TGFA: variants seen among roughly 807,000 people sequenced by gnomAD.
The protein encoded by TGFA is protransforming growth factor alpha.
Under a neutral mutation model 21.7 loss-of-function variants are expected in TGFA, and 12 were observed. The ratio of observed to expected loss-of-function variants is 0.55; its 90% CI spans 0.35 to 0.90. The LOEUF (loss-of-function observed/expected upper bound fraction) is 0.90, where lower values mean the gene tolerates loss of function less well. Ranked by LOEUF, TGFA falls within the 40% of genes least tolerant of loss-of-function variation. The pLI is 0.01. For synonymous variants in TGFA, 79 were observed against 88.1 expected (o/e 0.90, Z 0.58); for missense variants, 178 against 210.8 (o/e 0.84, Z 0.96).
chr2:70,487,342 G>T (rs187967767), intron 2 of TGFA, among the ~76,000 whole-genome samples: 1 of 152,276 alleles, frequency 6.6e-6, no homozygotes. Flanking sequence ...GCCTGGGATT[G>T]GAAGTCTTTT....
intron 2 of TGFA, among the ~76,000 whole-genome samples, chr2:70,485,757 C>G (rs1459098138): frequency 1.3e-5 from 2 of 152,110 alleles, no homozygotes; most frequent in Non-Finnish European, 2.9e-5. Context: ...TTGTATGCTA[C>G]AAAGACATTA....
At chr2:70,465,523 GC>G in intron 3 of TGFA, 92 bp downstream of exon 3, 1 of 1,519,576 alleles carries the variant, frequency 6.6e-7, no homozygotes, top group Non-Finnish European at 9.0e-7. Flanking sequence ...GGGTCTCGGA[GC>G]CTCTGGCAAG....
chr2:70,503,100 T>C (rs1194442168), intron 2 of TGFA, among the ~76,000 whole-genome samples: 1 of 152,182 alleles, frequency 6.6e-6, no homozygotes, highest in African/African-American at 2.4e-5. Context: ...TTATAAATCA[T>C]GCTGCTATAA....
At chr2:70,521,202 G>A (rs731461) in intron 1 of TGFA, among the ~76,000 whole-genome samples, 32,045 of 151,990 alleles carry the variant, frequency 0.21, 4,112 homozygotes, top group Non-Finnish European at 0.28. Context: ...AGAACCCAGC[G>A]CAGAGACAGA....
intron 2 of TGFA, among the ~76,000 whole-genome samples, chr2:70,482,810 TA>T (rs1671163682): frequency 6.6e-6 from 1 of 152,182 alleles, no homozygotes; most frequent in Admixed American, 6.5e-5. Context: ...AACTTTTCCT[TA>T]TATGTCTTCC....
intron 2 of TGFA, among the ~76,000 whole-genome samples, chr2:70,488,868 T>G (rs1046300640): frequency 7.9e-5 from 12 of 152,218 alleles, no homozygotes; most frequent in Admixed American, 3.3e-4. Context: ...TCCATGGAAG[T>G]CCTGCATACA....
chr2:70,456,375 G>A lies in TGFA; in HGVS notation c.329C>T (p.Ala110Val). ...ACATGTGATGATAAGGACAGCCAGG[G>A]CCACGATGGAGACCACCACCAAGGC... ...ITALVVVSIV[A>V]LAVLIITCVL... The change falls in exon 4 of 6, where the codon GCC becomes GTC. Residue 110 changes from alanine to valine, a missense_variant. Ala to Val is a moderately conservative substitution (Grantham distance 64). Coordinates refer to ENST00000295400, the MANE Select transcript of TGFA (RefSeq NM_003236.4). 1 of 1,570,042 alleles carries A rather than the reference G, an allele frequency of 6.4e-7. No homozygotes were observed. The highest frequency in any genetic ancestry group is 1.2e-5 in the South Asian group (1 of 85,132).
At chr2:70,517,409 C>G (rs1553501732) in intron 1 of TGFA, among the ~76,000 whole-genome samples, 1 of 152,202 alleles carries the variant, frequency 6.6e-6, no homozygotes, top group Non-Finnish European at 1.5e-5. Flanking sequence ...GACCCTGGAG[C>G]AGGAGGACAG....
chr2:70,454,438 C>T lies in TGFA; in HGVS notation c.366-1111G>A, dbSNP rs115210952. Among the ~76,000 whole-genome samples the T allele has an allele frequency of 4.3e-3, 661 of 152,338 alleles. 2 individuals are homozygous for T. Among genetic ancestry groups the T allele is most frequent in the Non-Finnish European group, 6.8e-3 (460 of 68,026 alleles). ...GAGCCCAGAGCAGTGTGCCTGGGCA[C>T]GAGGCCCTTCTGAGTTGCAGAGTCT... On this transcript the variant is annotated intron_variant, in intron 4 of 5. Coordinates refer to ENST00000295400, the MANE Select transcript of TGFA (RefSeq NM_003236.4).
chr2:70,496,123 G>T (rs1197452232), intron 2 of TGFA, among the ~76,000 whole-genome samples: 6 of 152,148 alleles, frequency 3.9e-5, no homozygotes, highest in African/African-American at 1.4e-4. Flanking sequence ...GAACCTGAAG[G>T]CCCCGAGACT....
chr2:70,513,096 T>C (rs1672155542), intron 2 of TGFA, among the ~76,000 whole-genome samples: 1 of 152,200 alleles, frequency 6.6e-6, no homozygotes, highest in Non-Finnish European at 1.5e-5. Context: ...ACAGGAGGCT[T>C]CTTAGCCCAT....
intron 2 of TGFA, among the ~76,000 whole-genome samples, chr2:70,483,639 C>G (rs1161020437): frequency 2.6e-5 from 4 of 152,216 alleles, no homozygotes; most frequent in Non-Finnish European, 4.4e-5. Context: ...CTACCTGCCA[C>G]AAGAGATGGA....
chr2:70,457,280 T>C lies in TGFA; in HGVS notation c.216-792A>G, dbSNP rs139592958. Among the ~76,000 whole-genome samples the C allele has an allele frequency of 4.3e-3, 650 of 152,246 alleles. 8 individuals carry two copies. Among genetic ancestry groups the C allele is most frequent in the African/African-American group, 0.014 (598 of 41,538 alleles). ...TCAGAGGTTCTTTGGTATTAATCTT[T>C]CAATCACGGCCCCCTGCTATGCCCA... is the stretch of plus-strand genomic sequence containing the variant. On this transcript the variant is annotated intron_variant, in intron 3 of 5. Transcript: ENST00000295400.
intron 2 of TGFA, among the ~76,000 whole-genome samples, chr2:70,490,509 T>C (rs1671400791): frequency 6.6e-6 from 1 of 152,238 alleles, no homozygotes; most frequent in Non-Finnish European, 1.5e-5. Context: ...GTGGAAGTTC[T>C]TGTGTTCACT....
intron 2 of TGFA, among the ~76,000 whole-genome samples, chr2:70,466,986 G>T (rs1249434947): frequency 6.6e-6 from 1 of 151,992 alleles, no homozygotes; most frequent in Non-Finnish European, 1.5e-5. Flanking sequence ...TGAACAAAGA[G>T]AACACGTGGA....
chr2:70,525,085 C>T (rs1023797725), intron 1 of TGFA, among the ~76,000 whole-genome samples: 2 of 152,202 alleles, frequency 1.3e-5, no homozygotes, highest in Admixed American at 1.3e-4. Context: ...GGGCATCATT[C>T]ACACAAGTGG....
At chr2:70,545,135 A>C (rs988619694) in intron 1 of TGFA, among the ~76,000 whole-genome samples, 6 of 152,136 alleles carry the variant, frequency 3.9e-5, no homozygotes, top group African/African-American at 9.7e-5. Context: ...TACCCTATAA[A>C]TATATATACC....
intron 1 of TGFA, among the ~76,000 whole-genome samples, chr2:70,551,874 G>A (rs1453398199): frequency 1.3e-5 from 2 of 152,190 alleles, no homozygotes; most frequent in African/African-American, 4.8e-5. Flanking sequence ...CATGATGAAT[G>A]AATGCAGTCT....
At chr2:70,460,197 A>G (rs1364700000) in intron 3 of TGFA, among the ~76,000 whole-genome samples, 1 of 152,158 alleles carries the variant, frequency 6.6e-6, no homozygotes, top group Non-Finnish European at 1.5e-5. Context: ...TCCAGGCCAC[A>G]CCTTTAGATC....
Sources: allele counts gnomAD v4.1 joint callset (sites outside exome capture counted in the v4.1 genomes callset), GRCh38; gene constraint gnomAD v4.1.1; transcripts MANE v1.5; gene names NCBI Gene and HGNC (gene_info 2026-07-23, HGNC 2026-07-21).